The following RGPD4 variants were observed in gnomAD, a reference collection of about 807,000 sequenced individuals.
RGPD4 encodes ranBP2-like and GRIP domain-containing protein 4.
RGPD4 carries 84 observed loss-of-function variants against 141.1 expected under a neutral mutation model. That is an observed-to-expected ratio of 0.60 (90% confidence interval 0.50 to 0.71). The LOEUF (loss-of-function observed/expected upper bound fraction) is 0.71, where lower values mean the gene tolerates loss of function less well. RGPD4 is among the 30% of genes least tolerant of loss of function. The probability of loss-of-function intolerance (pLI) is 0.00; values close to 1 mark genes in which losing one functional copy is unlikely to be tolerated. For synonymous variants in RGPD4, 298 were observed against 566.8 expected, an observed-to-expected ratio of 0.53 and a Z score of 6.74; for missense variants, 918 against 1,622.4, an observed-to-expected ratio of 0.57 and a Z score of 7.46.
intron 6 of RGPD4, among the ~76,000 whole-genome samples, chr2:107,845,482 T>A (rs1318913136): frequency 6.7e-6 from 1 of 149,984 alleles, no homozygotes; most frequent in African/African-American, 2.5e-5. Context: ...CTCGGGAGAA[T>A]CTGGACCATG....
chr2:107,884,825 T>G (rs1675465425), intron 22 of RGPD4, among the ~76,000 whole-genome samples: 1 of 152,144 alleles, frequency 6.6e-6, no homozygotes, highest in South Asian at 2.1e-4. Flanking sequence ...CCCCAATTTC[T>G]GACCCAAGAT....
chr2:107,887,109 G>T (rs1415671316), intron 22 of RGPD4, among the ~76,000 whole-genome samples: 2 of 149,948 alleles, frequency 1.3e-5, no homozygotes, highest in Admixed American at 6.7e-5. Flanking sequence ...AGTTCTGGTG[G>T]CATGTGCCCA....
chr2:107,873,765 T>C (rs1021173065), intron 20 of RGPD4, among the ~76,000 whole-genome samples: 1 of 151,710 alleles, frequency 6.6e-6, no homozygotes, highest in Non-Finnish European at 1.5e-5. Context: ...TTCATTTTGT[T>C]TCCTAAAATG....
At chr2:107,876,729 G>A (rs960434802) in intron 20 of RGPD4, among the ~76,000 whole-genome samples, 2 of 151,430 alleles carry the variant, frequency 1.3e-5, no homozygotes, top group African/African-American at 4.9e-5. Flanking sequence ...AGCAGCTATC[G>A]GTCACTTATT....
chr2:107,849,398 G>T (rs1462675312), intron 7 of RGPD4, among the ~76,000 whole-genome samples: 1 of 110,786 alleles, frequency 9.0e-6, no homozygotes, highest in Non-Finnish European at 1.8e-5. Flanking sequence ...ACGGAGTCTC[G>T]CTCTGTCGCC....
chr2:107,880,199 G>A, intron 21 of RGPD4, 92 bp downstream of exon 21: 2 of 1,564,772 alleles, frequency 1.3e-6, no homozygotes, highest in East Asian at 2.3e-5. Flanking sequence ...AATTCACATT[G>A]CAGATGCATC....
At chr2:107,847,925 T>G (rs1682012049) in intron 6 of RGPD4, among the ~76,000 whole-genome samples, 2 of 131,618 alleles carry the variant, frequency 1.5e-5, no homozygotes, top group African/African-American at 6.0e-5. Flanking sequence ...CTGTCAATTA[T>G]TTACTTATAA....
At chr2:107,852,275 G>A (rs2104439540) in intron 7 of RGPD4, among the ~76,000 whole-genome samples, 1 of 150,880 alleles carries the variant, frequency 6.6e-6, no homozygotes, top group East Asian at 1.9e-4. Flanking sequence ...AGGAAATAGT[G>A]AATTGAGATG....
rs960726775 is a variant in RGPD4 at position 107,829,617 on chromosome 2, T to G, written c.72+2532T>G. On this transcript the variant is annotated intron_variant, in intron 1 of 22. Coordinates refer to ENST00000408999, the MANE Select transcript of RGPD4 (RefSeq NM_182588.3). Reference sequence around the variant, plus strand: ...GGCGCTGCTCCCAGGCGGGCTCTGTTGAGGCGCCGGCCGGCTGGCGCAGTC... The same window carrying G: ...GGCGCTGCTCCCAGGCGGGCTCTGTGGAGGCGCCGGCCGGCTGGCGCAGTC... Among the ~76,000 whole-genome samples, 427 of 151,988 alleles carry G rather than the reference T, an allele frequency of 2.8e-3. 26 individuals carry two copies. The highest frequency in any genetic ancestry group is 9.3e-3 in the African/African-American group (385 of 41,442).
chr2:107,829,693 CG>C (rs1334471147), intron 1 of RGPD4, among the ~76,000 whole-genome samples: 6 of 152,150 alleles, frequency 3.9e-5, no homozygotes, highest in East Asian at 1.9e-4. Context: ...GGGGGGACCG[CG>C]GCGGGCGGGA....
chr2:107,872,789 C>G lies in RGPD4; in HGVS notation c.4785C>G (p.Ser1595Arg). Residue 1595 changes from serine to arginine, a missense_variant, in exon 20 of 23, where the codon AGC (serine) becomes AGG (arginine). Transcript: ENST00000408999. ...TSSVAQSGSE[S>R]KVEPKKCELS... is the part of the protein sequence containing the mutation. ...CAGTAGCCCAGAGTGGATCTGAAAG[C>G]AAAGTGGAACCTAAAAAATGTGAAC... The G allele has an allele frequency of 1.9e-6, 3 of 1,610,860 alleles. No individual in the cohort carries two copies. The highest frequency in any genetic ancestry group is 2.5e-6 in the Non-Finnish European group (3 of 1,179,746).
chr2:107,829,801 T>C (rs1372474520), intron 1 of RGPD4, among the ~76,000 whole-genome samples: 6 of 152,192 alleles, frequency 3.9e-5, no homozygotes, highest in Non-Finnish European at 7.4e-5. Flanking sequence ...CCGGGCTTTC[T>C]GGCCCCGTAG....
Position 107,887,540 on chromosome 2 carries a change from T to C in RGPD4, c.5267-3181T>C, listed in dbSNP as rs543248851. Among the ~76,000 whole-genome samples, 58 of 149,894 alleles carry C rather than the reference T, an allele frequency of 3.9e-4. No individual in the cohort carries two copies. In the South Asian group the frequency reaches 0.012, roughly 31 times the overall value. ...GGTTACCCAACTCTGAAAAGCAGCA[T>C]CAAAATCTTTATAATAAACACATAC... On this transcript the variant is annotated intron_variant, in intron 22 of 22. Transcript: ENST00000408999.
At chr2:107,865,914 C>A (rs1265075796) in intron 17 of RGPD4, among the ~76,000 whole-genome samples, 1 of 140,352 alleles carries the variant, frequency 7.1e-6, no homozygotes, top group African/African-American at 2.8e-5. Context: ...TACTATTATA[C>A]AAAAAATTAG....
At chr2:107,855,963 A>G (rs1177615255) in intron 8 of RGPD4, among the ~76,000 whole-genome samples, 7 of 96,216 alleles carry the variant, frequency 7.3e-5, no homozygotes, top group African/African-American at 3.1e-4. Flanking sequence ...TATAGCATGT[A>G]TCAGTACTTT....
chr2:107,853,550 G>A (rs1682188294), intron 7 of RGPD4, among the ~76,000 whole-genome samples: 2 of 114,354 alleles, frequency 1.7e-5, no homozygotes. Context: ...TATCTACAAT[G>A]TGGCATTTCC....
At position 107,829,591 on chromosome 2, in the gene RGPD4, G is replaced by A. The variant is rs558401188; in HGVS notation, c.72+2506G>A. On this transcript the variant is annotated intron_variant, in intron 1 of 22. Transcript: ENST00000408999. ...TGGCTCAGGCGTCATGGCTCCCGACGGGCGCTGCTCCCAGGCGGGCTCTGT... is the reference window on the plus strand; with the variant it reads ...TGGCTCAGGCGTCATGGCTCCCGACAGGCGCTGCTCCCAGGCGGGCTCTGT... 9.3e-5 allele frequency among the ~76,000 whole-genome samples: 13 copies of A among 140,094 alleles called. 1 individual carries two copies. The highest frequency in any genetic ancestry group is 7.8e-4 in the East Asian group (4 of 5,148). 91.9% of individuals were successfully genotyped at this position (140,094 alleles called of 152,430 possible).
chr2:107,853,435 A>G (rs1447138420), intron 7 of RGPD4, among the ~76,000 whole-genome samples: 1 of 141,152 alleles, frequency 7.1e-6, no homozygotes, highest in Non-Finnish European at 1.5e-5. Context: ...TCTATTCATC[A>G]TGCTTTTTTT....
intron 1 of RGPD4, among the ~76,000 whole-genome samples, chr2:107,833,342 T>C (rs17036672): frequency 5.9e-5 from 9 of 152,228 alleles, no homozygotes; most frequent in African/African-American, 1.2e-4. Flanking sequence ...TGCAAGATAG[T>C]GATGATGTGG....
Sources: gnomAD v4.1 joint callset for allele counts (sites outside exome capture counted in the v4.1 genomes callset) on GRCh38, gnomAD v4.1.1 for gene constraint, MANE v1.5 for transcripts, NCBI Gene and HGNC (gene_info 2026-07-23, HGNC 2026-07-21) for gene names.